NKAPD1: variants seen among roughly 807,000 people sequenced by gnomAD.
NKAPD1 encodes NKAP domain containing 1.
A neutral mutation model predicts 30.9 loss-of-function variants in NKAPD1; 12 were observed. The ratio of observed to expected loss-of-function variants is 0.39; its 90% CI spans 0.25 to 0.63. NKAPD1 has a LOEUF of 0.63. Ranked by LOEUF, NKAPD1 falls within the 20% of genes least tolerant of loss-of-function variation. NKAPD1 has a pLI of 0.51. For missense variants in NKAPD1, 311 were observed against 344.5 expected, an observed-to-expected ratio of 0.90 and a Z score of 0.77; for synonymous variants, 91 against 113.6, an observed-to-expected ratio of 0.80 and a Z score of 1.26.
intron 2 of NKAPD1, among the ~76,000 whole-genome samples, chr11:112,076,426 G>T (rs749102966): frequency 1.5e-4 from 23 of 152,228 alleles, no homozygotes; most frequent in Non-Finnish European, 2.9e-4. Context: ...ATAATGATAA[G>T]AATGGAATCT....
Position 112,082,821 on chromosome 11 carries a change from A to G in NKAPD1, c.731A>G (p.Glu244Gly), listed in dbSNP as rs137879070. The G allele has an allele frequency of 9.9e-6, 16 of 1,613,992 alleles. No individual in the cohort carries two copies. The East Asian group carries it at 3.6e-4, about 36-fold the overall frequency. The change falls in exon 6 of 6, where the codon GAA (glutamate) becomes GGA (glycine). Residue 244 changes from glutamate to glycine, a missense_variant. Glu to Gly is a moderately conservative substitution (Grantham distance 98). Transcript: ENST00000393047. ...TCCAGCAGTTCTGAGGAAAGTGAGG[A>G]AAGAGACACTAAGAAAACCAAAAGG... is the stretch of plus-strand genomic sequence containing the variant. ...SASSSSEESE[E>G]RDTKKTKRKK... is the part of the protein sequence containing the mutation.
chr11:112,077,114 A>C lies in NKAPD1; in HGVS notation c.70-1101A>C, dbSNP rs538740761. 7.2e-5 allele frequency among the ~76,000 whole-genome samples: 11 copies of C among 152,348 alleles called. No homozygotes were observed. The South Asian group carries it at 2.3e-3, about 32-fold the overall frequency. ...GCCCCTGGTTTAGTTTTCTTCAGTA[A>C]ACTGTACTACTTTTGGTTTGATCAT... On this transcript the variant is annotated intron_variant, in intron 2 of 5. Coordinates refer to ENST00000393047, the MANE Select transcript of NKAPD1 (RefSeq NM_018195.4).
rs1555185322 is a variant in NKAPD1 at position 112,074,511 on chromosome 11, C to G, written c.-414C>G. On this transcript the variant is annotated 5_prime_UTR_variant, in exon 1 of 6. Transcript: ENST00000393047. The stretch of plus-strand genomic sequence containing the variant: ...TGGAAACCTCAACCCCCGCTTCAGG[C>G]TCCCTAGATACTTTCTGGGGCCCAA... The G allele has an allele frequency of 2.5e-6, 1 of 398,970 alleles. No homozygotes were observed. Among genetic ancestry groups the G allele is most frequent in the African/African-American group, 2.1e-5 (1 of 48,644 alleles). 24.7% of individuals were successfully genotyped at this position (398,970 alleles called of 1,614,324 possible). A position where few individuals can be genotyped will look rare whatever the true frequency, so the allele number is the denominator to read the frequency against.
chr11:112,074,650 C>T lies in NKAPD1; in HGVS notation c.-275C>T. 1 of 396,538 alleles carries T rather than the reference C, an allele frequency of 2.5e-6. No individual in the cohort carries two copies. The highest frequency in any genetic ancestry group is 4.4e-6 in the Non-Finnish European group (1 of 225,112). 24.6% of individuals were successfully genotyped at this position (396,538 alleles called of 1,614,324 possible). The stretch of plus-strand genomic sequence containing the variant: ...GAATGCCCAGGTCAACCGGGCTGTC[C>T]GAATTCCGCCCCGGCTCAGCCTCCG... On this transcript the variant is annotated 5_prime_UTR_variant, in exon 1 of 6. Transcript: ENST00000393047.
intron 2 of NKAPD1, among the ~76,000 whole-genome samples, chr11:112,076,617 T>C (rs1001738260): frequency 6.6e-6 from 1 of 152,242 alleles, no homozygotes; most frequent in South Asian, 2.1e-4. Flanking sequence ...ACATGTATTA[T>C]ATACTGTATT....
intron 2 of NKAPD1, among the ~76,000 whole-genome samples, chr11:112,077,852 T>TC (rs1300042463): frequency 1.3e-5 from 2 of 151,824 alleles, no homozygotes; most frequent in African/African-American, 4.8e-5. Flanking sequence ...TTTTTTTTTT[T>TC]CTTTTTTTGT....
Position 112,083,973 on chromosome 11 carries a change from A to G in NKAPD1, c.*1001A>G, listed in dbSNP as rs1865519861. The G allele has an allele frequency of 6.6e-6, 1 of 152,644 alleles. No homozygotes were observed. Among genetic ancestry groups the G allele is most frequent in the African/African-American group, 2.4e-5 (1 of 41,452 alleles). 9.5% of individuals were successfully genotyped at this position (152,644 alleles called of 1,614,324 possible). ...AGACCACATTAATTCCCTTTGCTAT[A>G]CTGTGATCCTTAGTATGTTAATTCT... On this transcript the variant is annotated 3_prime_UTR_variant, in exon 6 of 6. Transcript: ENST00000393047.
chr11:112,077,145 T>C (rs1193551915), intron 2 of NKAPD1, among the ~76,000 whole-genome samples: 4 of 152,254 alleles, frequency 2.6e-5, no homozygotes, highest in Non-Finnish European at 5.9e-5. Context: ...ATCATATTAT[T>C]ATTATCATAT....
At chr11:112,082,207 G>A (rs1159817525) in intron 5 of NKAPD1, 172 bp downstream of exon 5, 1 of 709,948 alleles carries the variant, frequency 1.4e-6, no homozygotes, top group African/African-American at 1.8e-5. Flanking sequence ...GTTGATGTTT[G>A]GCATGTCTGT....
intron 3 of NKAPD1, 97 bp downstream of exon 3, chr11:112,078,412 G>A: frequency 1.1e-6 from 1 of 933,628 alleles, no homozygotes; most frequent in Non-Finnish European, 1.7e-6. Flanking sequence ...GATAAATTCA[G>A]TTCTGTGAGT....
intron 2 of NKAPD1, among the ~76,000 whole-genome samples, chr11:112,077,237 T>C (rs966298098): frequency 1.3e-5 from 2 of 152,238 alleles, no homozygotes; most frequent in Admixed American, 1.3e-4. Flanking sequence ...CCCCTAGTTA[T>C]ATAGTAAGCT....
At chr11:112,075,224 A>C (rs891683944) in intron 1 of NKAPD1, among the ~76,000 whole-genome samples, 1 of 152,238 alleles carries the variant, frequency 6.6e-6, no homozygotes, top group Non-Finnish European at 1.5e-5. Flanking sequence ...TTGGGACGTT[A>C]CAGCTTTAAG....
Position 112,082,002 on chromosome 11 carries a change from A to C in NKAPD1, c.341A>C (p.Lys114Thr). The C allele has an allele frequency of 1.2e-6, 2 of 1,612,660 alleles. No homozygotes were observed. Among genetic ancestry groups the C allele is most frequent in the Non-Finnish European group, 1.7e-6 (2 of 1,178,908 alleles). Reference protein sequence around the residue: ...MPDRWGHSGYKELYPEEFETD... With the variant: ...MPDRWGHSGYTELYPEEFETD... ...TACAGATGGGGTCACAGTGGTTATA[A>C]AGAGTTATACCCTGAAGAATTTGAA... Residue 114 changes from lysine (K) to threonine (T), a missense_variant, in exon 5 of 6, where the codon AAA becomes ACA. Physicochemically the swap from Lys to Thr is moderately conservative, Grantham distance 78. Coordinates refer to ENST00000393047, the MANE Select transcript of NKAPD1 (RefSeq NM_018195.4).
chr11:112,075,654 C>A lies in NKAPD1; in HGVS notation c.69+11C>A, dbSNP rs781520242. 1.9e-6 allele frequency: 3 copies of A among 1,607,656 alleles called. No individual in the cohort carries two copies. In the South Asian group the frequency reaches 3.3e-5, roughly 18 times the overall value. On this transcript the variant is annotated intron_variant, in intron 2 of 5. Transcript: ENST00000393047. ...GATGCTCACAATAAGGTGGGAGGTA[C>A]AACCTAGTTACTCCTCAACGCTTAC... is the stretch of plus-strand genomic sequence containing the variant.
chr11:112,076,298 G>A (rs1034640443), intron 2 of NKAPD1, among the ~76,000 whole-genome samples: 1 of 152,152 alleles, frequency 6.6e-6, no homozygotes, highest in African/African-American at 2.4e-5. Flanking sequence ...GTAATTAGGA[G>A]GCAATTGCAG....
At position 112,083,581 on chromosome 11, in the gene NKAPD1, T is replaced by G. The variant is rs1167724076; in HGVS notation, c.*609T>G. The G allele has an allele frequency of 1.3e-5, 2 of 152,650 alleles. No individual in the cohort carries two copies. Among genetic ancestry groups the G allele is most frequent in the African/African-American group, 4.8e-5 (2 of 41,450 alleles). The allele number at this position is 152,650 out of a possible 1,614,324, so 9.5% of individuals were successfully genotyped here. On this transcript the variant is annotated 3_prime_UTR_variant, in exon 6 of 6. Coordinates refer to ENST00000393047, the MANE Select transcript of NKAPD1 (RefSeq NM_018195.4). ...GAAGGGACTAGAGTTTTTGCAAATT[T>G]CCCTGCTGGATGGGGCCTATAGCTA...
Position 112,082,592 on chromosome 11 carries a change from A to G in NKAPD1, c.502A>G (p.Lys168Glu). Residue 168 changes from lysine (K) to glutamate (E), a missense_variant, in exon 6 of 6, where the codon AAA becomes GAA. By Grantham distance (56) the Lys-to-Glu change is moderately conservative. Coordinates refer to ENST00000393047, the MANE Select transcript of NKAPD1 (RefSeq NM_018195.4). ...HKKKQKKRSH[K>E]KQKKSKKEAT... ...AAAAAAGCAGAAAAAAAGGTCACAC[A>G]AAAAACAGAAGAAAAGCAAAAAGGA... 1.2e-6 allele frequency: 2 copies of G among 1,613,492 alleles called. No homozygotes were observed. Among genetic ancestry groups the G allele is most frequent in the Non-Finnish European group, 8.5e-7 (1 of 1,179,938 alleles).
chr11:112,078,180 G>A, intron 2 of NKAPD1, 35 bp from the exon 3 acceptor site: 2 of 1,476,974 alleles, frequency 1.4e-6, no homozygotes, highest in Non-Finnish European at 1.9e-6. Flanking sequence ...GTTATTTTTA[G>A]TAACTTATTT....
chr11:112,081,728 C>T (rs1364502750), intron 4 of NKAPD1: 9 of 410,482 alleles, frequency 2.2e-5, no homozygotes, highest in South Asian at 1.6e-4. Flanking sequence ...TGTAAGAGTT[C>T]GTTAGTGTTT....
Sources: allele counts gnomAD v4.1 joint callset (sites outside exome capture counted in the v4.1 genomes callset), GRCh38; gene constraint gnomAD v4.1.1; transcripts MANE v1.5; gene names NCBI Gene and HGNC (gene_info 2026-07-23, HGNC 2026-07-21).